The following GLRA2 variants were observed in gnomAD, a reference collection of about 807,000 sequenced individuals.
GLRA2 encodes glycine receptor subunit alpha-2.
GLRA2 carries 11 observed loss-of-function variants against 31.6 expected under a neutral mutation model. The observed-to-expected ratio is 0.35, with a 90% CI of 0.22 to 0.58. The LOEUF is 0.58. Ranked by LOEUF, GLRA2 falls within the 20% of genes least tolerant of loss-of-function variation. The pLI, the probability that GLRA2 is intolerant of heterozygous loss-of-function variation, is 0.84. For synonymous variants in GLRA2, 132 were observed against 134.0 expected (o/e 0.99, Z 0.10); for missense variants, 212 against 351.8 (o/e 0.60, Z 3.18).
chrX:14,567,539 A>G (rs867929123), intron 2 of GLRA2, among the ~76,000 whole-genome samples: 1 of 112,530 alleles, frequency 8.9e-6, no homozygotes, highest in Non-Finnish European at 1.9e-5. Context: ...TGAAGGGTGA[A>G]AGATTGAAAG....
intron 7 of GLRA2, among the ~76,000 whole-genome samples, chrX:14,637,282 T>C (rs1012837222): frequency 1.8e-5 from 2 of 111,966 alleles, no homozygotes; most frequent in African/African-American, 3.2e-5. Flanking sequence ...TACATGTATG[T>C]ACCTGACTTC....
chrX:14,466,988 T>G, the GLRA2 span, among the ~76,000 whole-genome samples: 26,361 of 111,040 alleles, frequency 0.24, 2,560 homozygotes, highest in African/African-American at 0.37. Context: ...TCTGGTTGAT[T>G]CTGACCTGTG....
rs2089429041 is a variant in GLRA2, at chrX:14,543,193, G to A, written c.202+10821G>A. Among the ~76,000 whole-genome samples the A allele has an allele frequency of 4.4e-5, 4 of 91,909 alleles. No individual in the cohort carries two copies. The Admixed American group carries it at 5.1e-4, about 12-fold the overall frequency. 79.8% of individuals were successfully genotyped at this position (91,909 alleles called of 115,157 possible). On this transcript the variant is annotated intron_variant, in intron 2 of 8. Coordinates refer to ENST00000218075, the MANE Select transcript of GLRA2 (RefSeq NM_002063.4). ...CTCCAGTTTTGACAATTATGACCTG[G>A]AGCATGCCACTTAACCTCTTTGGGA...
At chrX:14,487,766 A>G in the GLRA2 span, among the ~76,000 whole-genome samples, 1 of 112,091 alleles carries the variant, frequency 8.9e-6, no homozygotes, top group Admixed American at 9.5e-5. Context: ...CATAAGTACT[A>G]GAGAGGAACA....
the GLRA2 span, among the ~76,000 whole-genome samples, chrX:14,459,156 C>T: frequency 4.9e-4 from 55 of 111,669 alleles, no homozygotes; most frequent in Middle Eastern, 4.6e-3. Context: ...TTGTTTTTGT[C>T]AGGTTTGTCA....
At chrX:14,477,490 GATA>G in the GLRA2 span, among the ~76,000 whole-genome samples, 3 of 111,486 alleles carry the variant, frequency 2.7e-5, no homozygotes, top group Admixed American at 2.9e-4. Flanking sequence ...TATATGGTCA[GATA>G]ATAAAAATCT....
chrX:14,570,298 G>A (rs780263515), intron 2 of GLRA2, among the ~76,000 whole-genome samples: 5 of 112,104 alleles, frequency 4.5e-5, no homozygotes, highest in East Asian at 2.8e-4. Flanking sequence ...AAAACACCAC[G>A]ATTTAAAAAC....
chrX:14,609,114 T>A lies in GLRA2; in HGVS notation c.839T>A (p.Met280Lys). 8.3e-7 allele frequency: 1 copy of A among 1,199,171 alleles called. No homozygotes were observed. The highest frequency in any genetic ancestry group is 1.1e-6 in the Non-Finnish European group (1 of 884,508). ...TCCTGGGTTTCCTTTTGGATAAATA[T>A]GGATGCAGCCCCTGCCAGGGTCGCA... ...ILSWVSFWIN[M>K]DAAPARVALG... is the part of the protein sequence containing the mutation. Residue 280 changes from methionine (M) to lysine (K), a missense_variant, in exon 7 of 9, where the codon ATG becomes AAG. Physicochemically the swap from Met to Lys is moderately conservative, Grantham distance 95 (BLOSUM62 -1). Around this residue, in one of 5 missense-constraint regions of GLRA2, gnomAD observed 110 missense variants for 232.6 expected, o/e 0.47. Coordinates refer to ENST00000218075, the MANE Select transcript of GLRA2 (RefSeq NM_002063.4).
intron 7 of GLRA2, among the ~76,000 whole-genome samples, chrX:14,670,556 T>C (rs769524756): frequency 4.9e-4 from 55 of 111,602 alleles, no homozygotes; most frequent in Non-Finnish European, 8.3e-4. Flanking sequence ...AAGTCACATC[T>C]TATGTGGACG....
At chrX:14,537,683 G>A (rs1363806481) in intron 2 of GLRA2, among the ~76,000 whole-genome samples, 1 of 111,031 alleles carries the variant, frequency 9.0e-6, no homozygotes, top group Middle Eastern at 4.2e-3. Context: ...ATGACAGTAA[G>A]CCCAATTAGT....
chrX:14,688,273 G>A (rs2091302301), intron 7 of GLRA2, among the ~76,000 whole-genome samples: 1 of 111,710 alleles, frequency 9.0e-6, no homozygotes, highest in Admixed American at 9.4e-5. Context: ...GAGGCAGTCT[G>A]TCTGTTCTCA....
chrX:14,682,233 C>T, intron 7 of GLRA2, among the ~76,000 whole-genome samples: 1 of 109,242 alleles, frequency 9.2e-6, no homozygotes, highest in Middle Eastern at 4.7e-3. Flanking sequence ...ATCTATTAAT[C>T]AGAAGGAGTG....
At chrX:14,460,042 A>T in the GLRA2 span, among the ~76,000 whole-genome samples, 1 of 111,923 alleles carries the variant, frequency 8.9e-6, no homozygotes, top group African/African-American at 3.3e-5. Flanking sequence ...TTTGAGATAC[A>T]TTCCATCAAT....
At chrX:14,587,908 T>A (rs1250771706) in intron 4 of GLRA2, among the ~76,000 whole-genome samples, 3 of 110,088 alleles carry the variant, frequency 2.7e-5, no homozygotes, top group Non-Finnish European at 3.8e-5. Flanking sequence ...GTCTAGGATT[T>A]TTTTTTTTTT....
At chrX:14,587,670 T>C (rs1157108413) in intron 4 of GLRA2, among the ~76,000 whole-genome samples, 1 of 112,016 alleles carries the variant, frequency 8.9e-6, no homozygotes, top group African/African-American at 3.2e-5. Context: ...TTAAGTTCCC[T>C]ATAGATTCTG....
intron 7 of GLRA2, among the ~76,000 whole-genome samples, chrX:14,659,946 A>G (rs1427749012): frequency 8.9e-6 from 1 of 112,165 alleles, no homozygotes; most frequent in Non-Finnish European, 1.9e-5. Flanking sequence ...GTTTTAGTTA[A>G]CAAGTTCATC....
chrX:14,600,077 C>G (rs1274441895), intron 4 of GLRA2, among the ~76,000 whole-genome samples: 2 of 111,254 alleles, frequency 1.8e-5, no homozygotes, highest in Non-Finnish European at 3.8e-5. Context: ...GAGTTCTCAG[C>G]TGAGACAAGA....
At chrX:14,472,617 C>T in the GLRA2 span, among the ~76,000 whole-genome samples, 3 of 111,160 alleles carry the variant, frequency 2.7e-5, no homozygotes, top group Admixed American at 9.6e-5. Context: ...CACTAATACG[C>T]GAGAACAGGA....
At chrX:14,464,563 T>A in the GLRA2 span, among the ~76,000 whole-genome samples, 1 of 111,751 alleles carries the variant, frequency 8.9e-6, no homozygotes, top group Non-Finnish European at 1.9e-5. Flanking sequence ...ATTTATTTAT[T>A]TATTTATTTT....
Sources: allele counts gnomAD v4.1 joint callset (sites outside exome capture counted in the v4.1 genomes callset), GRCh38; gene constraint gnomAD v4.1.1; regional missense constraint gnomAD v4.1.1; transcripts MANE v1.5; gene names NCBI Gene and HGNC (gene_info 2026-07-23, HGNC 2026-07-21).